The following SENP7 variants were observed in gnomAD, a reference collection of about 807,000 sequenced individuals.
SENP7 encodes the protein SUMO specific peptidase 7, also known as sentrin-specific protease 7.
A neutral mutation model predicts 141.2 loss-of-function variants in SENP7; 64 were observed. The ratio of observed to expected loss-of-function variants is 0.45; its 90% confidence interval spans 0.37 to 0.56. SENP7 has a LOEUF of 0.56. Ranked by LOEUF, SENP7 falls within the 20% of genes least tolerant of loss-of-function variation. The pLI, the probability that SENP7 is intolerant of heterozygous loss-of-function variation, is 0.00. For synonymous variants in SENP7, 382 were observed against 426.4 expected, an observed-to-expected ratio of 0.90 and a Z score of 1.28; for missense variants, 1,025 against 1,212.2, an observed-to-expected ratio of 0.85 and a Z score of 2.29.
intron 6 of SENP7, among the ~76,000 whole-genome samples, chr3:101,392,819 T>A (rs1223676679): frequency 6.6e-6 from 1 of 152,128 alleles, no homozygotes. Flanking sequence ...CAAAACAGCA[T>A]GACATTGGTA....
Position 101,435,337 on chromosome 3 carries a change from T to C in SENP7, c.285-17547A>G, listed in dbSNP as rs554923499. ...GTATCCTAGCTAGTATCATACTAAA[T>C]AGGGAAACACTGAAAGCCTTTCCCT... On this transcript the variant is annotated intron_variant, in intron 4 of 23. Coordinates refer to ENST00000394095, the MANE Select transcript of SENP7 (RefSeq NM_020654.5). Among the ~76,000 whole-genome samples the C allele has an allele frequency of 7.4e-4, 112 of 152,164 alleles. 4 individuals are homozygous for C. The highest frequency in any genetic ancestry group is 4.8e-3 in the South Asian group (23 of 4,824).
intron 3 of SENP7, among the ~76,000 whole-genome samples, chr3:101,468,382 G>A (rs1207461028): frequency 6.6e-6 from 1 of 152,176 alleles, no homozygotes; most frequent in Non-Finnish European, 1.5e-5. Flanking sequence ...TCTGTGAGAA[G>A]AGCAACCCCA....
intron 6 of SENP7, among the ~76,000 whole-genome samples, chr3:101,372,347 AT>A (rs1325534406): frequency 2.6e-5 from 4 of 152,118 alleles, no homozygotes; most frequent in South Asian, 4.1e-4. Context: ...GGGAAAAAAA[AT>A]GAGATATCAA....
intron 5 of SENP7, among the ~76,000 whole-genome samples, chr3:101,416,725 C>A (rs2061633837): frequency 6.6e-6 from 1 of 152,016 alleles, no homozygotes. Flanking sequence ...TGTGTAATAT[C>A]TTCAGATGTT....
intron 4 of SENP7, among the ~76,000 whole-genome samples, chr3:101,451,512 C>T (rs868854696): frequency 6.6e-6 from 1 of 152,172 alleles, no homozygotes; most frequent in African/African-American, 2.4e-5. Flanking sequence ...GAAGCTTATC[C>T]ACCATGATCA....
At chr3:101,408,322 C>T (rs1343689346) in intron 5 of SENP7, among the ~76,000 whole-genome samples, 2 of 152,006 alleles carry the variant, frequency 1.3e-5, no homozygotes, top group East Asian at 3.9e-4. Flanking sequence ...AGCCCAGGAC[C>T]AGACGGATTC....
At position 101,324,890 on chromosome 3, in the gene SENP7, T is replaced by C. The variant is rs993301776; in HGVS notation, c.*1053A>G. On this transcript the variant is annotated 3_prime_UTR_variant, in exon 24 of 24. Coordinates refer to ENST00000394095, the MANE Select transcript of SENP7 (RefSeq NM_020654.5). ...ATAATGCCACCATTATCACATGAAT[T>C]CAGAACTGTTACCTGAATATTTAAT... 2.6e-5 allele frequency: 4 copies of C among 152,060 alleles called. No individual in the cohort carries two copies. The highest frequency in any genetic ancestry group is 9.7e-5 in the African/African-American group (4 of 41,442). The allele number at this position is 152,060 out of a possible 1,614,324, so 9.4% of individuals were successfully genotyped here.
intron 5 of SENP7, 89 bp downstream of exon 5, chr3:101,417,504 G>A (rs1212171411): frequency 2.7e-5 from 30 of 1,093,496 alleles, no homozygotes; most frequent in Non-Finnish European, 4.0e-5. Context: ...CTCCTTTCAG[G>A]TCATTTCAAC....
At chr3:101,402,638 C>T (rs954692907) in intron 5 of SENP7, among the ~76,000 whole-genome samples, 5 of 96,734 alleles carry the variant, frequency 5.2e-5, no homozygotes, top group Admixed American at 1.1e-4. Context: ...AAAAAAAATG[C>T]TAAATCTACT....
intron 1 of SENP7, among the ~76,000 whole-genome samples, chr3:101,501,858 T>C (rs1321339276): frequency 6.6e-6 from 1 of 152,196 alleles, no homozygotes; most frequent in Admixed American, 6.5e-5. Flanking sequence ...CAGCTGCTTA[T>C]GACAAATGCA....
intron 15 of SENP7, among the ~76,000 whole-genome samples, chr3:101,340,787 T>G (rs2059308878): frequency 6.6e-6 from 1 of 152,172 alleles, no homozygotes. Flanking sequence ...AGACATATAA[T>G]TTAATCACAA....
At chr3:101,370,391 C>T (rs961362982) in intron 7 of SENP7, among the ~76,000 whole-genome samples, 1 of 152,120 alleles carries the variant, frequency 6.6e-6, no homozygotes, top group Non-Finnish European at 1.5e-5. Context: ...GTAATCAATA[C>T]AGTCATCCCT....
intron 4 of SENP7, among the ~76,000 whole-genome samples, chr3:101,445,945 C>G (rs540360463): frequency 6.6e-6 from 1 of 152,280 alleles, no homozygotes; most frequent in South Asian, 2.1e-4. Flanking sequence ...TAGTTTGGAA[C>G]TTCAACATCC....
intron 4 of SENP7, among the ~76,000 whole-genome samples, chr3:101,455,619 G>C (rs751791353): frequency 6.6e-6 from 1 of 152,028 alleles, no homozygotes; most frequent in Non-Finnish European, 1.5e-5. Context: ...GAGATCAAGC[G>C]AGGAATAAAG....
chr3:101,472,758 C>CT (rs2064055603), intron 3 of SENP7, among the ~76,000 whole-genome samples: 1 of 151,920 alleles, frequency 6.6e-6, no homozygotes, highest in Non-Finnish European at 1.5e-5. Context: ...TGAGTAAGTC[C>CT]TTTTTTTAAA....
chr3:101,389,991 G>A (rs555989207), intron 6 of SENP7, among the ~76,000 whole-genome samples: 33 of 151,954 alleles, frequency 2.2e-4, no homozygotes, highest in Admixed American at 3.9e-4. Context: ...AGGCTGAGGC[G>A]GGTGGATCAC....
intron 6 of SENP7, among the ~76,000 whole-genome samples, chr3:101,375,677 T>C (rs1264811867): frequency 6.6e-6 from 1 of 152,058 alleles, no homozygotes; most frequent in African/African-American, 2.4e-5. Flanking sequence ...CACTGTTCAC[T>C]GTGGCACACT....
chr3:101,442,052 G>T (rs1263138665), intron 4 of SENP7, among the ~76,000 whole-genome samples: 2 of 152,152 alleles, frequency 1.3e-5, no homozygotes, highest in South Asian at 4.1e-4. Flanking sequence ...TCTACCAAAT[G>T]AGGTTAATCC....
intron 11 of SENP7, chr3:101,358,222 TA>T: frequency 1.2e-6 from 1 of 815,306 alleles, no homozygotes. Context: ...CAAGCCTCAC[TA>T]AACATAAGAG....
Sources: gnomAD v4.1 joint callset for allele counts (sites outside exome capture counted in the v4.1 genomes callset) on GRCh38, gnomAD v4.1.1 for gene constraint, MANE v1.5 for transcripts, NCBI Gene and HGNC (gene_info 2026-07-23, HGNC 2026-07-21) for gene names.